The following EFHD1 variants were observed in gnomAD, a reference collection of about 807,000 sequenced individuals.
The protein encoded by EFHD1 is EF-hand domain family member D1, also known as EF-hand domain-containing protein D1.
EFHD1 carries 10 observed loss-of-function variants against 17.2 expected under a neutral mutation model. That is an observed-to-expected ratio of 0.58 (90% confidence interval 0.36 to 0.99). The LOEUF (loss-of-function observed/expected upper bound fraction) is 0.99. EFHD1 is among the 50% of genes least tolerant of loss of function. EFHD1 has a pLI of 0.01. For missense variants in EFHD1, 310 were observed against 327.5 expected, an observed-to-expected ratio of 0.95 and a Z score of 0.41; for synonymous variants, 153 against 142.0, an observed-to-expected ratio of 1.08 and a Z score of -0.55.
intron 1 of EFHD1, chr2:232,649,722 G>C (rs1158898146): frequency 6.6e-6 from 1 of 152,282 alleles, no homozygotes; most frequent in Non-Finnish European, 1.5e-5. Context: ...GCTCATGGCA[G>C]TCTCAAGTTA....
chr2:232,681,646 G>A lies in EFHD1; in HGVS notation c.647G>A (p.Arg216Gln), dbSNP rs757013631. 24 of 1,614,140 alleles carry A rather than the reference G, an allele frequency of 1.5e-5. No individual in the cohort carries two copies. The highest frequency in any genetic ancestry group is 6.7e-5 in the East Asian group (3 of 44,900). ...GAGTTGAAAGCTGAGCAAGATGAGC[G>A]GAAGCGGGAGGAGGAGGAGAGGCGG... ...EAELKAEQDE[R>Q]KREEEERRLR... The change falls in exon 4 of 4, where the codon CGG becomes CAG. Residue 216 changes from arginine to glutamine, a missense_variant. Physicochemically the swap from Arg to Gln is conservative, Grantham distance 43. Transcript: ENST00000264059.
chr2:232,677,251 CACATCTTTCTATAACACACACAT>C (rs1695194466), intron 3 of EFHD1, among the ~76,000 whole-genome samples: 1 of 130,354 alleles, frequency 7.7e-6, no homozygotes, highest in African/African-American at 2.9e-5. Flanking sequence ...CGTACACACA[CACATCTTTCTATAACACACACAT>C]ACACACACAC....
chr2:232,655,548 T>C (rs1462957009), intron 1 of EFHD1, among the ~76,000 whole-genome samples: 1 of 152,234 alleles, frequency 6.6e-6, no homozygotes, highest in East Asian at 1.9e-4. Context: ...CCTGTTAACT[T>C]TGACTGGGAC....
intron 2 of EFHD1, among the ~76,000 whole-genome samples, chr2:232,663,152 A>G (rs550686874): frequency 2.4e-4 from 37 of 152,308 alleles, no homozygotes; most frequent in African/African-American, 7.9e-4. Context: ...GTAGTAGTAT[A>G]ACCTCATTTG....
chr2:232,609,719 T>C (rs1369016087), intron 1 of EFHD1, among the ~76,000 whole-genome samples: 7 of 152,190 alleles, frequency 4.6e-5, no homozygotes, highest in Non-Finnish European at 1.0e-4. Flanking sequence ...GGCATCTCCC[T>C]TGATGCAAGA....
intron 1 of EFHD1, chr2:232,611,736 C>G (rs1574697257): frequency 6.6e-6 from 1 of 152,482 alleles, no homozygotes; most frequent in East Asian, 1.9e-4. Context: ...GTGAGAGGCC[C>G]CCGCCCCAGG....
At chr2:232,640,556 C>A (rs1694409864) in intron 1 of EFHD1, among the ~76,000 whole-genome samples, 1 of 152,178 alleles carries the variant, frequency 6.6e-6, no homozygotes, top group African/African-American at 2.4e-5. Flanking sequence ...TAAGCACCTG[C>A]CAGGTGCCAG....
chr2:232,623,628 T>C (rs796438067), intron 1 of EFHD1, among the ~76,000 whole-genome samples: 6 of 131,504 alleles, frequency 4.6e-5, no homozygotes, highest in African/African-American at 1.8e-4. Context: ...TGAGCCAAGA[T>C]TATGCCATTG....
At chr2:232,651,563 C>G (rs1463372730) in intron 1 of EFHD1, among the ~76,000 whole-genome samples, 6 of 152,236 alleles carry the variant, frequency 3.9e-5, no homozygotes, top group Non-Finnish European at 1.5e-5. Flanking sequence ...CTGAGCCCCT[C>G]ACTCCCAGTT....
intron 3 of EFHD1, among the ~76,000 whole-genome samples, chr2:232,675,203 AAAGGAAGG>A (rs199527017): frequency 6.7e-6 from 1 of 149,246 alleles, no homozygotes; most frequent in Non-Finnish European, 1.5e-5. Context: ...GAGAGAAAAG[AAAGGAAGG>A]AAGGAAGGAA....
chr2:232,664,982 C>G (rs750654756), intron 2 of EFHD1, among the ~76,000 whole-genome samples: 15 of 151,924 alleles, frequency 9.9e-5, no homozygotes, highest in Non-Finnish European at 2.1e-4. Context: ...TATAGTCTTA[C>G]CTCACTGCAA....
intron 1 of EFHD1, among the ~76,000 whole-genome samples, chr2:232,606,994 T>A (rs987723998): frequency 2.0e-5 from 3 of 151,980 alleles, no homozygotes; most frequent in African/African-American, 7.2e-5. Flanking sequence ...ACTTTTTTTT[T>A]TTCTTATTAT....
At chr2:232,612,383 G>T (rs1386413795) in intron 1 of EFHD1, among the ~76,000 whole-genome samples, 1 of 152,082 alleles carries the variant, frequency 6.6e-6, no homozygotes. Context: ...TCTAGTAAAA[G>T]ACTTGTATCC....
At chr2:232,642,667 A>G (rs1274403402) in intron 1 of EFHD1, among the ~76,000 whole-genome samples, 1 of 152,156 alleles carries the variant, frequency 6.6e-6, no homozygotes, top group Non-Finnish European at 1.5e-5. Context: ...AGTGTTCCCC[A>G]TTGAAAATTT....
At chr2:232,613,453 T>A (rs956913258) in intron 1 of EFHD1, among the ~76,000 whole-genome samples, 4 of 151,928 alleles carry the variant, frequency 2.6e-5, no homozygotes, top group Admixed American at 2.6e-4. Flanking sequence ...ACACAAAGAC[T>A]CAAACACAGA....
rs550372280 is a variant in EFHD1, at chr2:232,662,432, T to C, written c.303-370T>C. Among the ~76,000 whole-genome samples, 112 of 152,090 alleles carry C rather than the reference T, an allele frequency of 7.4e-4. 1 individual carries two copies. Among genetic ancestry groups the C allele is most frequent in the Non-Finnish European group, 1.5e-3 (100 of 67,980 alleles). ...CCCTTCCCTGTGAACGTGCTGGGCG[T>C]CAGGGGCCAGCTCCTGCAACCCCTC... On this transcript the variant is annotated intron_variant, in intron 1 of 3. Transcript: ENST00000264059.
At chr2:232,636,729 A>T (rs1046130523) in intron 1 of EFHD1, among the ~76,000 whole-genome samples, 4 of 152,202 alleles carry the variant, frequency 2.6e-5, no homozygotes, top group Non-Finnish European at 4.4e-5. Flanking sequence ...AGGCTGAGGC[A>T]GGAGAATCGC....
At chr2:232,637,350 T>A (rs1694336988) in intron 1 of EFHD1, among the ~76,000 whole-genome samples, 1 of 150,392 alleles carries the variant, frequency 6.6e-6, no homozygotes, top group Non-Finnish European at 1.5e-5. Context: ...TTCCTTTTTT[T>A]TTTTTTTTTT....
At chr2:232,668,006 A>C (rs1027812218) in intron 2 of EFHD1, among the ~76,000 whole-genome samples, 26 of 152,364 alleles carry the variant, frequency 1.7e-4, no homozygotes, top group African/African-American at 5.8e-4. Context: ...CCCTGAGTGT[A>C]TCAGAAGCAT....
Sources: allele counts gnomAD v4.1 joint callset (sites outside exome capture counted in the v4.1 genomes callset), GRCh38; gene constraint gnomAD v4.1.1; transcripts MANE v1.5; gene names NCBI Gene and HGNC (gene_info 2026-07-23, HGNC 2026-07-21).